The following MCF2 variants were observed in gnomAD, a reference collection of about 807,000 sequenced individuals.
The protein encoded by MCF2 is proto-oncogene DBL.
MCF2 carries 44 observed loss-of-function variants against 82.5 expected under a neutral mutation model. The ratio of observed to expected loss-of-function variants is 0.53; its 90% CI spans 0.42 to 0.69. The LOEUF (loss-of-function observed/expected upper bound fraction) is 0.69. Among genes scored for constraint, MCF2 ranks in the 30% least tolerant of loss-of-function variants. The pLI, the probability that MCF2 is intolerant of heterozygous loss-of-function variation, is 0.00. For synonymous variants in MCF2, 217 were observed against 224.9 expected (o/e 0.96, Z 0.32); for missense variants, 623 against 663.1 (o/e 0.94, Z 0.66).
At chrX:139,642,666 C>T in exon 1 of MCF2, 1 of 1,127,276 alleles carries the variant, frequency 8.9e-7, no homozygotes, top group South Asian at 2.1e-5. Flanking sequence ...AGCACAGTGG[C>T]AGCAATGCTG....
intron 1 of MCF2, among the ~76,000 whole-genome samples, chrX:139,684,974 A>T (rs962130325): frequency 9.0e-6 from 1 of 111,645 alleles, no homozygotes; most frequent in Non-Finnish European, 1.9e-5. Context: ...GGTTAATTGT[A>T]TGTGAATTAT....
At chrX:139,595,648 A>C (rs1367577528) in intron 19 of MCF2, among the ~76,000 whole-genome samples, 1 of 107,546 alleles carries the variant, frequency 9.3e-6, no homozygotes, top group African/African-American at 3.4e-5. Flanking sequence ...TAATGGGTGC[A>C]GCACACCAGC....
chrX:139,618,507 G>A lies in MCF2; in HGVS notation c.808-803C>T, dbSNP rs181175198. ...ATGTGTTTTTACCACAATTAGAAACGAAAAATTATTAAATGGAAAAAAATT... is the reference window on the plus strand; with the variant it reads ...ATGTGTTTTTACCACAATTAGAAACAAAAAATTATTAAATGGAAAAAAATT... On this transcript the variant is annotated intron_variant, in intron 7 of 24. Transcript: ENST00000370576. Among the ~76,000 whole-genome samples, 499 of 110,941 alleles carry A rather than the reference G, an allele frequency of 4.5e-3. 6 individuals carry two copies. Among genetic ancestry groups the A allele is most frequent in the African/African-American group, 0.015 (466 of 30,642 alleles).
In MCF2 at chrX:139,593,668, C is replaced by T. The variant is rs1004542096; in HGVS notation, c.2277+2881G>A. ...TACTGGCAAACCGAATCCAGCAGCA[C>T]ATCAAAAAGCTTATCCACCATGATC... On this transcript the variant is annotated intron_variant, in intron 19 of 24. Coordinates refer to ENST00000370576, the Ensembl canonical transcript of MCF2. Among the ~76,000 whole-genome samples the T allele has an allele frequency of 7.2e-5, 8 of 111,362 alleles. No individual in the cohort carries two copies. The Admixed American group carries it at 7.7e-4, about 11-fold the overall frequency.
chrX:139,673,167 C>T (rs1297156185), intron 1 of MCF2, among the ~76,000 whole-genome samples: 22 of 111,228 alleles, frequency 2.0e-4, no homozygotes, highest in South Asian at 7.6e-4. Context: ...TGATATCCCC[C>T]TTATCATTTT....
At chrX:139,602,431 T>C in exon 16 of MCF2, 3 of 1,202,751 alleles carry the variant, frequency 2.5e-6, no homozygotes, top group Non-Finnish European at 3.4e-6. Flanking sequence ...TTCTGAATAC[T>C]TCCTCCAAAT....
At chrX:139,701,833 A>G (rs993094523) in intron 1 of MCF2, among the ~76,000 whole-genome samples, 45 of 112,795 alleles carry the variant, frequency 4.0e-4, no homozygotes, top group African/African-American at 1.4e-3. Flanking sequence ...TTTCTCGGGT[A>G]GAACCCCAAC....
At chrX:139,657,697 G>A (rs1051155354) in intron 1 of MCF2, among the ~76,000 whole-genome samples, 1 of 111,867 alleles carries the variant, frequency 8.9e-6, no homozygotes, top group Non-Finnish European at 1.9e-5. Flanking sequence ...GTGACTCCTT[G>A]GGTATGGGCT....
chrX:139,589,397 T>C (rs923436005), intron 20 of MCF2, among the ~76,000 whole-genome samples: 2 of 111,978 alleles, frequency 1.8e-5, no homozygotes, highest in African/African-American at 6.5e-5. Flanking sequence ...TGAAACATGT[T>C]GGACCCTATA....
chrX:139,596,852 A>G, intron 18 of MCF2, 82 bp from the exon 23 acceptor site: 1 of 632,750 alleles, frequency 1.6e-6, no homozygotes, highest in Non-Finnish European at 2.6e-6. Context: ...GGTTCAGCTT[A>G]AGCTACTCAA....
At chrX:139,637,193 A>C (rs930685296) in intron 1 of MCF2, among the ~76,000 whole-genome samples, 3 of 112,183 alleles carry the variant, frequency 2.7e-5, no homozygotes, top group Non-Finnish European at 3.8e-5. Context: ...AGTTACTCCC[A>C]ATTTTAGTAG....
At chrX:139,669,568 C>T (rs1471526301) in intron 1 of MCF2, among the ~76,000 whole-genome samples, 1 of 112,224 alleles carries the variant, frequency 8.9e-6, no homozygotes, top group East Asian at 2.8e-4. Flanking sequence ...GAAATGAAAA[C>T]ATATTACTAC....
chrX:139,586,806 T>C (rs1263328813), intron 22 of MCF2, among the ~76,000 whole-genome samples: 1 of 111,661 alleles, frequency 9.0e-6, no homozygotes, highest in South Asian at 3.8e-4. Flanking sequence ...AGTTGTTGTA[T>C]ATAAATGAAG....
At chrX:139,639,928 G>A (rs1260607429) in intron 1 of MCF2, among the ~76,000 whole-genome samples, 2 of 92,606 alleles carry the variant, frequency 2.2e-5, no homozygotes, top group African/African-American at 7.1e-5. Flanking sequence ...CATTATGTAT[G>A]TGTCAGACTT....
intron 3 of MCF2, among the ~76,000 whole-genome samples, 177 bp downstream of exon 6, chrX:139,631,216 CTA>C (rs1932911245): frequency 9.0e-6 from 1 of 111,571 alleles, no homozygotes; most frequent in African/African-American, 3.2e-5. Context: ...TAGATATTGC[CTA>C]TGGAAGAAAA....
chrX:139,695,258 G>C (rs1026229156), intron 1 of MCF2, among the ~76,000 whole-genome samples: 1 of 110,936 alleles, frequency 9.0e-6, no homozygotes, highest in Admixed American at 9.6e-5. Context: ...TCAAACTCCT[G>C]ACCTAAGGTG....
chrX:139,595,838 G>C (rs986551265), intron 19 of MCF2, among the ~76,000 whole-genome samples: 1 of 111,423 alleles, frequency 9.0e-6, no homozygotes, highest in Non-Finnish European at 1.9e-5. Context: ...ATGTGAATTG[G>C]AAGTTCTTCT....
intron 16 of MCF2, among the ~76,000 whole-genome samples, chrX:139,599,351 G>A (rs1304527214): frequency 3.7e-5 from 4 of 108,750 alleles, no homozygotes; most frequent in Non-Finnish European, 7.7e-5. Context: ...TGATGGAAAA[G>A]TTATTTTACT....
chrX:139,621,674 A>C (rs1932372913), intron 6 of MCF2, among the ~76,000 whole-genome samples: 1 of 111,720 alleles, frequency 9.0e-6, no homozygotes, highest in African/African-American at 3.3e-5. Context: ...CTGGCTAGCC[A>C]TATGTAGAAA....
Sources: allele counts gnomAD v4.1 joint callset (sites outside exome capture counted in the v4.1 genomes callset), GRCh38; gene constraint gnomAD v4.1.1; transcripts MANE v1.5; gene names NCBI Gene and HGNC (gene_info 2026-07-23, HGNC 2026-07-21).